KCNT2: variants seen among roughly 807,000 people sequenced by gnomAD.
The protein encoded by KCNT2 is potassium sodium-activated channel subfamily T member 2.
Under a neutral mutation model 153.8 loss-of-function variants are expected in KCNT2, and 67 were observed. The observed-to-expected ratio is 0.44, with a 90% CI of 0.36 to 0.53. The LOEUF (loss-of-function observed/expected upper bound fraction) is 0.53, where lower values mean the gene tolerates loss of function less well. Ranked by LOEUF, KCNT2 falls within the 20% of genes least tolerant of loss-of-function variation. The pLI is 0.00. For synonymous variants in KCNT2, 500 were observed against 458.8 expected (o/e 1.09, Z -1.15); for missense variants, 975 against 1,354.8 (o/e 0.72, Z 4.40).
intron 5 of KCNT2, among the ~76,000 whole-genome samples, chr1:196,475,244 A>G (rs1678427690): frequency 6.6e-6 from 1 of 152,200 alleles, no homozygotes; most frequent in Non-Finnish European, 1.5e-5. Context: ...GTATCAAAGA[A>G]TAATATCAGC....
intron 25 of KCNT2, among the ~76,000 whole-genome samples, chr1:196,260,861 A>G (rs1656951324): frequency 6.6e-6 from 1 of 151,874 alleles, no homozygotes; most frequent in East Asian, 1.9e-4. Flanking sequence ...TTTGACAGAA[A>G]TGTGAAAATT....
At chr1:196,273,123 C>T (rs1184935259) in intron 25 of KCNT2, among the ~76,000 whole-genome samples, 1 of 151,784 alleles carries the variant, frequency 6.6e-6, no homozygotes, top group Non-Finnish European at 1.5e-5. Context: ...AGGAGGTCTA[C>T]TCTAAAAAGT....
At chr1:196,441,752 G>A (rs1404309991) in intron 8 of KCNT2, among the ~76,000 whole-genome samples, 1 of 151,680 alleles carries the variant, frequency 6.6e-6, no homozygotes, top group Non-Finnish European at 1.5e-5. Flanking sequence ...AAAGTGGGAG[G>A]GTTCTGTTAT....
chr1:196,494,614 C>T (rs996538674), intron 1 of KCNT2, among the ~76,000 whole-genome samples: 4 of 152,026 alleles, frequency 2.6e-5, no homozygotes, highest in Non-Finnish European at 4.4e-5. Context: ...ACCTCAGCCT[C>T]CCAAAGTGCC....
chr1:196,284,498 T>C (rs1186227231), intron 23 of KCNT2, among the ~76,000 whole-genome samples: 2 of 151,438 alleles, frequency 1.3e-5, no homozygotes, highest in East Asian at 3.9e-4. Context: ...GCTAAAAAAA[T>C]CTTAAAACTA....
intron 1 of KCNT2, among the ~76,000 whole-genome samples, chr1:196,572,461 G>T (rs1017098018): frequency 1.3e-5 from 2 of 152,018 alleles, no homozygotes; most frequent in African/African-American, 4.8e-5. Flanking sequence ...TGGCTTTCTA[G>T]GAGATAAAGA....
chr1:196,232,258 C>T (rs755642340), intron 27 of KCNT2, among the ~76,000 whole-genome samples: 4 of 151,806 alleles, frequency 2.6e-5, no homozygotes, highest in Admixed American at 1.3e-4. Flanking sequence ...AATACCATAT[C>T]ATCTAGTGAT....
At chr1:196,596,855 C>T (rs1029567455) in intron 1 of KCNT2, among the ~76,000 whole-genome samples, 2 of 152,090 alleles carry the variant, frequency 1.3e-5, no homozygotes, top group Admixed American at 6.5e-5. Flanking sequence ...CACACACCAA[C>T]ACACCTGGCT....
chr1:196,452,965 T>C (rs113048245), intron 8 of KCNT2, among the ~76,000 whole-genome samples: 8,778 of 152,046 alleles, frequency 0.058, 392 homozygotes, highest in Non-Finnish European at 0.085. Flanking sequence ...CTCAGAATGT[T>C]TCAACAACTA....
chr1:196,463,092 G>A (rs1382810861), intron 8 of KCNT2, among the ~76,000 whole-genome samples: 1 of 151,614 alleles, frequency 6.6e-6, no homozygotes, highest in Admixed American at 6.6e-5. Flanking sequence ...CAAGATATAA[G>A]GAAAATTATT....
intron 26 of KCNT2, among the ~76,000 whole-genome samples, chr1:196,248,490 G>C (rs1655650972): frequency 6.6e-6 from 1 of 151,964 alleles, no homozygotes; most frequent in Non-Finnish European, 1.5e-5. Context: ...AAATACAAAG[G>C]ATCTTTTAGA....
At chr1:196,399,217 G>A (rs1482952844) in intron 12 of KCNT2, among the ~76,000 whole-genome samples, 1 of 151,066 alleles carries the variant, frequency 6.6e-6, no homozygotes, top group East Asian at 2.0e-4. Flanking sequence ...AGTAAGAAAA[G>A]GAATCAAAAC....
chr1:196,442,535 C>T (rs1398868016), intron 8 of KCNT2, among the ~76,000 whole-genome samples: 1 of 151,668 alleles, frequency 6.6e-6, no homozygotes, highest in Non-Finnish European at 1.5e-5. Flanking sequence ...GTTATGACTT[C>T]CGTTCATAGT....
chr1:196,300,311 A>G (rs1661066847), intron 22 of KCNT2, among the ~76,000 whole-genome samples: 1 of 152,192 alleles, frequency 6.6e-6, no homozygotes, highest in African/African-American at 2.4e-5. Context: ...CCGTGTTTTT[A>G]GCTCTTTTGA....
At chr1:196,228,708 A>C (rs1170145309) in intron 27 of KCNT2, among the ~76,000 whole-genome samples, 1 of 151,682 alleles carries the variant, frequency 6.6e-6, no homozygotes, top group Non-Finnish European at 1.5e-5. Flanking sequence ...ATTATCCCTT[A>C]CTTTGGCCAT....
intron 21 of KCNT2, 147 bp from the exon 22 acceptor site, chr1:196,305,492 T>C (rs901034148): frequency 2.2e-5 from 12 of 544,228 alleles, no homozygotes; most frequent in Middle Eastern, 4.6e-4. Flanking sequence ...AAATCTTCTA[T>C]ACAATGCAGG....
At chr1:196,592,928 A>T (rs1308822437) in intron 1 of KCNT2, among the ~76,000 whole-genome samples, 1 of 150,400 alleles carries the variant, frequency 6.6e-6, no homozygotes, top group Non-Finnish European at 1.5e-5. Context: ...TAATAAAATA[A>T]TTTTTTATTT....
At chr1:196,356,073 G>T (rs1667149784) in intron 14 of KCNT2, among the ~76,000 whole-genome samples, 1 of 151,642 alleles carries the variant, frequency 6.6e-6, no homozygotes, top group Non-Finnish European at 1.5e-5. Flanking sequence ...AACTTACAAA[G>T]CTCCTATTGC....
intron 1 of KCNT2, among the ~76,000 whole-genome samples, chr1:196,527,875 T>C (rs1021844667): frequency 1.3e-5 from 2 of 152,224 alleles, no homozygotes; most frequent in East Asian, 3.9e-4. Flanking sequence ...TCATGGCTCC[T>C]GCTAATGTAC....
Sources: allele counts gnomAD v4.1 joint callset (sites outside exome capture counted in the v4.1 genomes callset), GRCh38; gene constraint gnomAD v4.1.1; transcripts MANE v1.5; gene names NCBI Gene and HGNC (gene_info 2026-07-23, HGNC 2026-07-21).